Variants in ZC3H14 observed in about 807,000 individuals in gnomAD.
ZC3H14 encodes zinc finger CCCH domain-containing protein 14.
A neutral mutation model predicts 92.4 loss-of-function variants in ZC3H14; 31 were observed. The ratio of observed to expected loss-of-function variants is 0.34; its 90% CI spans 0.25 to 0.45. The LOEUF is 0.45. Among genes scored for constraint, ZC3H14 ranks in the 20% least tolerant of loss-of-function variants. ZC3H14 has a pLI of 1.00. For missense variants in ZC3H14, 781 were observed against 897.3 expected (o/e 0.87, Z 1.66); for synonymous variants, 321 against 300.9 (o/e 1.07, Z -0.69).
At position 88,618,963 on chromosome 14, in the gene ZC3H14, GAGA is replaced by G; in HGVS notation, c.*7213_*7215del. 1.6e-6 allele frequency: 1 copy of G among 610,492 alleles called. No homozygotes were observed. Among genetic ancestry groups the G allele is most frequent in the Non-Finnish European group, 2.6e-6 (1 of 383,280 alleles). 37.8% of individuals were successfully genotyped at this position (610,492 alleles called of 1,614,324 possible). The stretch of plus-strand genomic sequence containing the variant: ...TCAGACACAACTGATCATGTATACT[GAGA>G]TTGTCTGGGTTACATGAAATAAGGA... On this transcript the variant is annotated 3_prime_UTR_variant, in exon 17 of 17. Coordinates refer to ENST00000251038, the MANE Select transcript of ZC3H14 (RefSeq NM_024824.5).
rs978358895 is a variant in ZC3H14, at chr14:88,614,422, A to C, written c.*2671A>C. On this transcript the variant is annotated 3_prime_UTR_variant, in exon 17 of 17. Coordinates refer to ENST00000251038, the MANE Select transcript of ZC3H14 (RefSeq NM_024824.5). ...TCACTGGTTATGCTTTCTGTGATGT[A>C]ATTTAGTCATTTCTATTTTTAGTAT... 2.0e-5 allele frequency: 3 copies of C among 152,236 alleles called. No individual in the cohort carries two copies. The highest frequency in any genetic ancestry group is 7.2e-5 in the African/African-American group (3 of 41,464). 9.4% of individuals were successfully genotyped at this position (152,236 alleles called of 1,614,324 possible).
Position 88,621,091 on chromosome 14 carries a change from T to A in ZC3H14, c.*9340T>A, listed in dbSNP as rs1567018796. ...TCTTTTTAGAAGTTGTAACCTCTTT[T>A]AAAAAAATTATCTGTACTTACTTTA... On this transcript the variant is annotated 3_prime_UTR_variant, in exon 17 of 17. Coordinates refer to ENST00000251038, the MANE Select transcript of ZC3H14 (RefSeq NM_024824.5). 1 of 1,599,204 alleles carries A rather than the reference T, an allele frequency of 6.3e-7. No individual in the cohort carries two copies. The highest frequency in any genetic ancestry group is 8.5e-7 in the Non-Finnish European group (1 of 1,173,416).
chr14:88,611,562 C>T (rs1290576067), intron 16 of ZC3H14, among the ~76,000 whole-genome samples, 183 bp from the exon 17 acceptor site: 1 of 152,188 alleles, frequency 6.6e-6, no homozygotes, highest in East Asian at 1.9e-4. Context: ...AATTTAATTA[C>T]ATATGGTATT....
chr14:88,614,739 C>G lies in ZC3H14; in HGVS notation c.*2988C>G, dbSNP rs183552630. 1.3e-5 allele frequency: 2 copies of G among 152,218 alleles called. No individual in the cohort carries two copies. The highest frequency in any genetic ancestry group is 1.3e-4 in the Admixed American group (2 of 15,292). The allele number at this position is 152,218 out of a possible 1,614,324, so 9.4% of individuals were successfully genotyped here. On this transcript the variant is annotated 3_prime_UTR_variant, in exon 17 of 17. Transcript: ENST00000251038. ...ATTTAAAGTGAAAAGAAATAAGGAT[C>G]TAAGAATTCAGCCCTAATCCACTAA...
intron 9 of ZC3H14, among the ~76,000 whole-genome samples, chr14:88,582,972 C>G (rs184479446): frequency 7.4e-4 from 112 of 152,038 alleles, no homozygotes; most frequent in African/African-American, 2.7e-3. Context: ...GCGCACCCAC[C>G]TCATAATATG....
intron 9 of ZC3H14, among the ~76,000 whole-genome samples, chr14:88,589,022 CTCTTG>C (rs746188954): frequency 9.9e-5 from 15 of 151,970 alleles, no homozygotes; most frequent in Admixed American, 2.0e-4. Context: ...AAGGAATTCA[CTCTTG>C]TCTTCTAATT....
rs545972686 is a variant in ZC3H14 at position 88,622,582 on chromosome 14, A to G, written c.*10831A>G. The G allele has an allele frequency of 2.0e-5, 31 of 1,564,228 alleles. No homozygotes were observed. The East Asian group carries it at 6.0e-4, about 31-fold the overall frequency. ...CACTTTCTGTTTTCTGCTGCACTGT[A>G]TCAGCTCATGGAACATCTTACTTTG... On this transcript the variant is annotated 3_prime_UTR_variant, in exon 17 of 17. Coordinates refer to ENST00000251038, the MANE Select transcript of ZC3H14 (RefSeq NM_024824.5).
intron 9 of ZC3H14, chr14:88,591,105 T>G (rs1384881399): frequency 6.6e-6 from 1 of 152,166 alleles, no homozygotes; most frequent in Non-Finnish European, 1.5e-5. Context: ...GTATTTTACT[T>G]ACGTACACAT....
chr14:88,616,216 A>G lies in ZC3H14; in HGVS notation c.*4465A>G, dbSNP rs1456712081. ...ATCGAATATTTGTCACATGGGGCGA[A>G]TGACCCAAGAACCTTTTGTGTTTTG... On this transcript the variant is annotated 3_prime_UTR_variant, in exon 17 of 17. Transcript: ENST00000251038. The G allele has an allele frequency of 6.2e-6, 10 of 1,613,794 alleles. No homozygotes were observed. Among genetic ancestry groups the G allele is most frequent in the Non-Finnish European group, 7.6e-6 (9 of 1,179,804 alleles).
chr14:88,627,483 T>C lies in ZC3H14; in HGVS notation c.*15732T>C, dbSNP rs143503644. Reference sequence around the variant, plus strand: ...TGAGGTTACAGTTCCACTGGGCTTTTAAAGTGAAATATACCTACAGTACCA... The same window carrying C: ...TGAGGTTACAGTTCCACTGGGCTTTCAAAGTGAAATATACCTACAGTACCA... On this transcript the variant is annotated 3_prime_UTR_variant, in exon 17 of 17. Transcript: ENST00000251038. 4 of 623,394 alleles carry C rather than the reference T, an allele frequency of 6.4e-6. No individual in the cohort carries two copies. The highest frequency in any genetic ancestry group is 1.0e-5 in the Non-Finnish European group (4 of 386,536). The allele number at this position is 623,394 out of a possible 1,614,324, so 38.6% of individuals were successfully genotyped here.
intron 2 of ZC3H14, 139 bp downstream of exon 2, chr14:88,563,832 G>C: frequency 1.2e-6 from 1 of 826,708 alleles, no homozygotes; most frequent in African/African-American, 1.7e-5. Flanking sequence ...ATACTCCCTG[G>C]TTACTTCTTT....
chr14:88,570,047 C>T (rs779521546), intron 3 of ZC3H14, among the ~76,000 whole-genome samples: 3 of 151,978 alleles, frequency 2.0e-5, no homozygotes, highest in Admixed American at 6.6e-5. Context: ...TCCTTTTCTC[C>T]GATAACTTGA....
chr14:88,587,167 CT>C (rs11462440), intron 9 of ZC3H14, among the ~76,000 whole-genome samples: 21 of 147,596 alleles, frequency 1.4e-4, no homozygotes, highest in South Asian at 2.1e-4. Flanking sequence ...CCTTCAATTC[CT>C]TTTTTTTTTT....
chr14:88,600,447 T>A (rs2084455550), intron 10 of ZC3H14, among the ~76,000 whole-genome samples: 1 of 151,800 alleles, frequency 6.6e-6, no homozygotes, highest in Admixed American at 6.6e-5. Context: ...TTCTCTTTTT[T>A]TTTTTTTTGG....
rs1321654635 is a variant in ZC3H14 at position 88,614,196 on chromosome 14, T to C, written c.*2445T>C. ...TATTTTTCTTTTTATGGGCAGGTTG[T>C]TCAGGGATTTTTTTCCTCCTTTAAT... On this transcript the variant is annotated 3_prime_UTR_variant, in exon 17 of 17. Coordinates refer to ENST00000251038, the MANE Select transcript of ZC3H14 (RefSeq NM_024824.5). 2.0e-5 allele frequency: 3 copies of C among 152,216 alleles called. No homozygotes were observed. Among genetic ancestry groups the C allele is most frequent in the Non-Finnish European group, 2.9e-5 (2 of 68,032 alleles). 9.4% of individuals were successfully genotyped at this position (152,216 alleles called of 1,614,324 possible).
chr14:88,618,300 T>G lies in ZC3H14; in HGVS notation c.*6549T>G. 6.2e-7 allele frequency: 1 copy of G among 1,613,800 alleles called. No individual in the cohort carries two copies. Among genetic ancestry groups the G allele is most frequent in the Non-Finnish European group, 8.5e-7 (1 of 1,179,866 alleles). ...AAGATGTTTTCCTGAAGGCACTTCA[T>G]AGACATGCCGTTTATAGCAGCCACT... On this transcript the variant is annotated 3_prime_UTR_variant, in exon 17 of 17. Transcript: ENST00000251038.
intron 9 of ZC3H14, among the ~76,000 whole-genome samples, chr14:88,582,630 TAGTC>T (rs1163177919): frequency 1.3e-5 from 2 of 152,222 alleles, no homozygotes; most frequent in Non-Finnish European, 2.9e-5. Flanking sequence ...ACTTGGATGG[TAGTC>T]AGAAGGGTGT....
Position 88,617,039 on chromosome 14 carries a change from G to T in ZC3H14, c.*5288G>T. On this transcript the variant is annotated 3_prime_UTR_variant, in exon 17 of 17. Transcript: ENST00000251038. The stretch of plus-strand genomic sequence containing the variant: ...TTGTTTGGAGACCTGAATTTCATCA[G>T]GATATCAACTCCTGCCTTTTAAAAA... The T allele has an allele frequency of 1.9e-6, 1 of 517,410 alleles. No homozygotes were observed. The highest frequency in any genetic ancestry group is 3.3e-6 in the Non-Finnish European group (1 of 298,924). 32.1% of individuals were successfully genotyped at this position (517,410 alleles called of 1,614,324 possible).
intron 1 of ZC3H14, 65 bp downstream of exon 1, chr14:88,563,234 AC>A: frequency 6.4e-7 from 1 of 1,566,950 alleles, no homozygotes; most frequent in Non-Finnish European, 8.6e-7. Flanking sequence ...GTCAGGAGTA[AC>A]GGGGACTGTG....
Sources: allele counts gnomAD v4.1 joint callset (sites outside exome capture counted in the v4.1 genomes callset), GRCh38; gene constraint gnomAD v4.1.1; transcripts MANE v1.5; gene names NCBI Gene and HGNC (gene_info 2026-07-23, HGNC 2026-07-21).